Variants in ASTN2 observed in about 807,000 individuals in gnomAD.
ASTN2 encodes the protein astrotactin 2, also known as astrotactin-2.
In ASTN2, 54 loss-of-function variants were observed where a neutral mutation model predicts 139.8. The ratio of observed to expected loss-of-function variants is 0.39; its 90% confidence interval spans 0.31 to 0.48. The LOEUF (loss-of-function observed/expected upper bound fraction) is 0.48, where lower values mean the gene tolerates loss of function less well. Among genes scored for constraint, ASTN2 ranks in the 20% least tolerant of loss-of-function variants. The pLI is 0.95. For missense variants in ASTN2, 1,565 were observed against 1,725.1 expected (o/e 0.91, Z 1.64); for synonymous variants, 756 against 719.5 (o/e 1.05, Z -0.81).
intron 11 of ASTN2, among the ~76,000 whole-genome samples, chr9:116,831,778 A>T (rs539297837): frequency 1.3e-5 from 2 of 152,280 alleles, no homozygotes; most frequent in South Asian, 4.1e-4. Context: ...TAAATTCCAG[A>T]AAAATCTTGT....
chr9:116,709,256 C>T (rs923194646), intron 16 of ASTN2, among the ~76,000 whole-genome samples: 1 of 152,216 alleles, frequency 6.6e-6, no homozygotes, highest in African/African-American at 2.4e-5. Flanking sequence ...CAGCCCCTTG[C>T]TAAATACCAT....
At chr9:117,338,323 T>G (rs1332988983) in intron 1 of ASTN2, among the ~76,000 whole-genome samples, 1 of 152,134 alleles carries the variant, frequency 6.6e-6, no homozygotes, top group African/African-American at 2.4e-5. Flanking sequence ...AAATAAAGCA[T>G]GCCCACTTAG....
intron 3 of ASTN2, among the ~76,000 whole-genome samples, chr9:117,175,828 T>C (rs116112342): frequency 0.019 from 2,821 of 152,186 alleles, 82 homozygotes; most frequent in African/African-American, 0.064. Context: ...AATTCCTCAG[T>C]TATTCACAAA....
At chr9:116,578,272 T>C (rs560582402) in intron 19 of ASTN2, among the ~76,000 whole-genome samples, 1 of 152,144 alleles carries the variant, frequency 6.6e-6, no homozygotes, top group South Asian at 2.1e-4. Context: ...GACTGAAAAA[T>C]TGAGTCTCAG....
intron 17 of ASTN2, among the ~76,000 whole-genome samples, chr9:116,623,228 C>G (rs969120205): frequency 6.7e-6 from 1 of 148,966 alleles, no homozygotes. Context: ...TAAATAGGAA[C>G]TTGAGCTTGT....
Position 116,881,135 on chromosome 9 carries a change from A to T in ASTN2, c.1890-17402T>A, listed in dbSNP as rs1833441191. On this transcript the variant is annotated intron_variant, in intron 10 of 22. Transcript: ENST00000313400. ...ACAGAGTCACAGAATGTGGAAGAGG[A>T]GGAGGAGGAAGGTGTGTTGCATAAA... Among the ~76,000 whole-genome samples, 5 of 152,174 alleles carry T rather than the reference A, an allele frequency of 3.3e-5. No homozygotes were observed. In the South Asian group the frequency reaches 1.0e-3, roughly 32 times the overall value.
intron 7 of ASTN2, among the ~76,000 whole-genome samples, chr9:117,007,074 G>A (rs1161932924): frequency 6.6e-6 from 1 of 152,050 alleles, no homozygotes; most frequent in Non-Finnish European, 1.5e-5. Flanking sequence ...TCGAGATCAC[G>A]CCACTGACTC....
chr9:116,706,134 CT>C (rs1827983436), intron 16 of ASTN2, among the ~76,000 whole-genome samples: 1 of 152,126 alleles, frequency 6.6e-6, no homozygotes, highest in South Asian at 2.1e-4. Flanking sequence ...AATGCATACC[CT>C]CTTCGGTATT....
chr9:116,891,816 G>A (rs1564326177), intron 10 of ASTN2, among the ~76,000 whole-genome samples: 1 of 152,206 alleles, frequency 6.6e-6, no homozygotes, highest in South Asian at 2.1e-4. Context: ...GAGCTAGACT[G>A]CAAAATAGGA....
At chr9:116,889,720 TACACAC>T (rs9299242) in intron 10 of ASTN2, among the ~76,000 whole-genome samples, 2,093 of 136,626 alleles carry the variant, frequency 0.015, 21 homozygotes, top group Admixed American at 0.024. Flanking sequence ...ACCTTGTCTC[TACACAC>T]ACACACACAC....
chr9:116,683,042 T>TAAAAA (rs1290491050), intron 16 of ASTN2, among the ~76,000 whole-genome samples: 1 of 68,650 alleles, frequency 1.5e-5, no homozygotes, highest in South Asian at 4.4e-4. Flanking sequence ...TAAAATAAAA[T>TAAAAA]AAAAAATAAA....
At chr9:117,384,256 G>A (rs1349161193) in intron 1 of ASTN2, among the ~76,000 whole-genome samples, 1 of 152,182 alleles carries the variant, frequency 6.6e-6, no homozygotes, top group East Asian at 1.9e-4. Context: ...AGAACTCAAG[G>A]TATCTTGGGA....
intron 1 of ASTN2, among the ~76,000 whole-genome samples, chr9:117,391,272 G>T (rs980897510): frequency 6.6e-6 from 1 of 152,082 alleles, no homozygotes; most frequent in Admixed American, 6.6e-5. Context: ...ATTTAAGTAT[G>T]AGTCCATTTT....
At chr9:117,357,794 T>G in intron 1 of ASTN2, among the ~76,000 whole-genome samples, 1 of 152,192 alleles carries the variant, frequency 6.6e-6, no homozygotes, top group East Asian at 1.9e-4. Flanking sequence ...CAAACGTTAC[T>G]TCTCCTGTAA....
intron 5 of ASTN2, among the ~76,000 whole-genome samples, chr9:117,055,069 C>T (rs1839019249): frequency 6.6e-6 from 1 of 152,186 alleles, no homozygotes; most frequent in African/African-American, 2.4e-5. Context: ...TCACCTTCTG[C>T]TATGTGGCCA....
chr9:117,285,375 G>A (rs1490648919), intron 2 of ASTN2, among the ~76,000 whole-genome samples: 1 of 145,848 alleles, frequency 6.9e-6, no homozygotes, highest in African/African-American at 2.5e-5. Flanking sequence ...ATGATTGAAT[G>A]ATTAAATCAA....
At chr9:117,214,988 G>A (rs759549581) in intron 2 of ASTN2, among the ~76,000 whole-genome samples, 4 of 152,184 alleles carry the variant, frequency 2.6e-5, no homozygotes, top group Non-Finnish European at 4.4e-5. Flanking sequence ...TAGTTATAAA[G>A]GTTGAGTAGG....
intron 5 of ASTN2, among the ~76,000 whole-genome samples, chr9:117,056,260 T>C (rs1839061325): frequency 1.3e-5 from 2 of 152,202 alleles, no homozygotes; most frequent in South Asian, 2.1e-4. Context: ...TTGAGGGTGA[T>C]TTCTTACACA....
chr9:117,283,467 T>A (rs4406488), intron 2 of ASTN2, among the ~76,000 whole-genome samples: 144,863 of 152,128 alleles, frequency 0.95, 69,310 homozygotes, highest in East Asian at 1. Flanking sequence ...TGTCCCACTT[T>A]TGTAAAAAAG....
Sources: gnomAD v4.1 joint callset for allele counts (sites outside exome capture counted in the v4.1 genomes callset) on GRCh38, gnomAD v4.1.1 for gene constraint, MANE v1.5 for transcripts, NCBI Gene and HGNC (gene_info 2026-07-23, HGNC 2026-07-21) for gene names.